SLC2A14: variants seen among roughly 807,000 people sequenced by gnomAD.
SLC2A14 encodes solute carrier family 2 member 14, also known as solute carrier family 2, facilitated glucose transporter member 14.
In SLC2A14, 13 loss-of-function variants were observed where a neutral mutation model predicts 43.0. The observed-to-expected ratio is 0.30, with a 90% CI of 0.20 to 0.48. SLC2A14 has a LOEUF of 0.48. SLC2A14 is among the 20% of genes least tolerant of loss of function. The pLI, the probability that SLC2A14 is intolerant of heterozygous loss-of-function variation, is 0.99. For synonymous variants in SLC2A14, 190 were observed against 233.8 expected (o/e 0.81, Z 1.71); for missense variants, 428 against 620.4 (o/e 0.69, Z 3.29).
intron 2 of SLC2A14, among the ~76,000 whole-genome samples, chr12:7,851,844 C>T (rs1866963101): frequency 6.6e-6 from 1 of 152,144 alleles, no homozygotes; most frequent in African/African-American, 2.4e-5. Context: ...CTGACAGCTG[C>T]AGTCAATACA....
rs776746858 is a variant in SLC2A14 at position 7,830,152 on chromosome 12, T to G, written c.273-146A>C. On this transcript the variant is annotated intron_variant, in intron 4 of 10. Coordinates refer to ENST00000431042, the MANE Select transcript of SLC2A14 (RefSeq NM_001286234.2). The stretch of plus-strand genomic sequence containing the variant: ...TTTTCTTTTTCACTTTCTTTTCTTT[T>G]CTTTCTTTTTTTTTTTTTGAGACAG... The G allele has an allele frequency of 1.4e-3, 1,527 of 1,096,520 alleles. 1 individual carries two copies. The highest frequency in any genetic ancestry group is 1.8e-3 in the Non-Finnish European group (1,459 of 815,098). 67.9% of individuals were successfully genotyped at this position (1,096,520 alleles called of 1,614,324 possible). A position where few individuals can be genotyped will look rare whatever the true frequency, so the allele number is the denominator to read the frequency against.
At chr12:7,878,780 C>A (rs1406940184) in intron 1 of SLC2A14, among the ~76,000 whole-genome samples, 3 of 151,240 alleles carry the variant, frequency 2.0e-5, no homozygotes, top group Non-Finnish European at 4.4e-5. Flanking sequence ...AGATTGAGAC[C>A]ATCCTGGCCA....
chr12:7,823,259 T>C (rs761944590), intron 7 of SLC2A14, among the ~76,000 whole-genome samples: 1 of 151,882 alleles, frequency 6.6e-6, no homozygotes, highest in Non-Finnish European at 1.5e-5. Flanking sequence ...GGTGGGTACC[T>C]ATAATCCCAG....
chr12:7,844,548 T>A (rs970668883), intron 2 of SLC2A14, among the ~76,000 whole-genome samples: 2 of 151,764 alleles, frequency 1.3e-5, no homozygotes, highest in Non-Finnish European at 2.9e-5. Flanking sequence ...AACTCCTTTT[T>A]TTTTTTTAGA....
At chr12:7,817,154 T>C (rs1398374856) in intron 10 of SLC2A14, among the ~76,000 whole-genome samples, 1 of 150,716 alleles carries the variant, frequency 6.6e-6, no homozygotes, top group Non-Finnish European at 1.5e-5. Context: ...TCTGTCTTGT[T>C]GCCCAGGCTG....
intron 2 of SLC2A14, among the ~76,000 whole-genome samples, chr12:7,845,895 C>T (rs1263754474): frequency 1.3e-5 from 2 of 151,684 alleles, no homozygotes; most frequent in Non-Finnish European, 2.9e-5. Context: ...AGTTTGAGAC[C>T]AGTGGGGGCA....
chr12:7,814,534 A>G lies in SLC2A14; in HGVS notation c.1276T>C (p.Tyr426His), dbSNP rs74058901. Residue 426 changes from tyrosine (Y) to histidine (H), a missense_variant and splice_region_variant, in exon 11 of 11, where the codon TAC (tyrosine) becomes CAC (histidine). Physicochemically the swap from Tyr to His is moderately conservative, Grantham distance 83 (BLOSUM62 2). Around this residue, in one of 4 missense-constraint regions of SLC2A14, gnomAD observed 119 missense variants for 188.7 expected, o/e 0.63. Coordinates refer to ENST00000431042, the MANE Select transcript of SLC2A14 (RefSeq NM_001286234.2). ...ATAAAAACGTAGGCTCCTAAATAGT[A>G]CTAGTGAAAGGACAGAAAAAAGGAA... Reference protein sequence around the residue: ...LVGLLFPSAAYYLGAYVFIIF... With the variant: ...LVGLLFPSAAHYLGAYVFIIF... 2.8e-3 allele frequency: 4,585 copies of G among 1,611,318 alleles called. 135 individuals are homozygous for G. The African/African-American group carries it at 0.053, about 19-fold the overall frequency.
chr12:7,879,226 T>A (rs1945521597), intron 1 of SLC2A14, among the ~76,000 whole-genome samples: 1 of 151,302 alleles, frequency 6.6e-6, no homozygotes, highest in Non-Finnish European at 1.5e-5. Flanking sequence ...CAGTACTCAT[T>A]ATTATTATTA....
intron 2 of SLC2A14, among the ~76,000 whole-genome samples, chr12:7,855,573 C>T (rs1867292736): frequency 6.6e-6 from 1 of 152,132 alleles, no homozygotes. Flanking sequence ...CAGTGTGATG[C>T]CACCCTTACC....
intron 2 of SLC2A14, among the ~76,000 whole-genome samples, chr12:7,841,372 T>G (rs1365816122): frequency 6.6e-6 from 1 of 152,132 alleles, no homozygotes; most frequent in South Asian, 2.1e-4. Flanking sequence ...GCGATTCTCC[T>G]GCCTCAGCCT....
At chr12:7,872,697 G>A (rs1945303342) in intron 1 of SLC2A14, 110 bp downstream of exon 1, 1 of 860,192 alleles carries the variant, frequency 1.2e-6, no homozygotes, top group Non-Finnish European at 1.4e-6. Context: ...TTCTTAGCCC[G>A]GCCCACCTCC....
At chr12:7,863,682 A>T (rs1415614734) in intron 2 of SLC2A14, among the ~76,000 whole-genome samples, 2 of 152,088 alleles carry the variant, frequency 1.3e-5, no homozygotes, top group Admixed American at 6.6e-5. Context: ...TTGACATATA[A>T]ACTAAATGAC....
intron 2 of SLC2A14, among the ~76,000 whole-genome samples, chr12:7,834,723 A>G (rs1865304585): frequency 6.6e-6 from 1 of 151,402 alleles, no homozygotes; most frequent in Non-Finnish European, 1.5e-5. Flanking sequence ...TCAAAAAAGA[A>G]AAAAAAAGTG....
intron 1 of SLC2A14, among the ~76,000 whole-genome samples, chr12:7,889,522 C>T (rs1431439668): frequency 1.4e-5 from 2 of 144,016 alleles, no homozygotes; most frequent in South Asian, 2.2e-4. Flanking sequence ...CGTGAGCCAC[C>T]GTGCCTGACC....
At chr12:7,884,263 CTCTT>C (rs1440315947) in intron 1 of SLC2A14, among the ~76,000 whole-genome samples, 1 of 152,132 alleles carries the variant, frequency 6.6e-6, no homozygotes, top group African/African-American at 2.4e-5. Context: ...TAAGTTTGAA[CTCTT>C]TCTTTCACAT....
intron 9 of SLC2A14, among the ~76,000 whole-genome samples, chr12:7,818,530 C>T (rs1362943425): frequency 2.0e-5 from 3 of 151,992 alleles, no homozygotes; most frequent in Non-Finnish European, 4.4e-5. Context: ...GGTGTGGTGG[C>T]GCATGCCTGT....
intron 7 of SLC2A14, among the ~76,000 whole-genome samples, chr12:7,822,739 A>C (rs1418930889): frequency 6.6e-6 from 1 of 151,642 alleles, no homozygotes; most frequent in African/African-American, 2.4e-5. Flanking sequence ...ACAGCAACTC[A>C]CTATGTTGCC....
At chr12:7,882,833 C>CA (rs1281800722) in intron 1 of SLC2A14, among the ~76,000 whole-genome samples, 5 of 151,020 alleles carry the variant, frequency 3.3e-5, no homozygotes, top group African/African-American at 7.3e-5. Flanking sequence ...GAGGCTGTCT[C>CA]AAAAAAATTT....
intron 7 of SLC2A14, among the ~76,000 whole-genome samples, chr12:7,826,853 C>CCTTCCTTCCTTCCTTCCTTT (rs139542085): frequency 0.011 from 384 of 34,394 alleles, 67 homozygotes; most frequent in Admixed American, 0.014. Flanking sequence ...TTCCTTCCTT[C>CCTTCCTTCCTTCCTTCCTTT]CTTTCTTTTT....
Sources: gnomAD v4.1 joint callset for allele counts (sites outside exome capture counted in the v4.1 genomes callset) on GRCh38, gnomAD v4.1.1 for gene constraint, gnomAD v4.1.1 regional missense constraint, MANE v1.5 for transcripts, NCBI Gene and HGNC (gene_info 2026-07-23, HGNC 2026-07-21) for gene names.